SLITRK2: variants seen among roughly 807,000 people sequenced by gnomAD.
The protein encoded by SLITRK2 is SLIT and NTRK like family member 2.
A neutral mutation model predicts 35.4 loss-of-function variants in SLITRK2; 13 were observed. The observed-to-expected ratio is 0.37, with a 90% CI of 0.24 to 0.58. The LOEUF is 0.58. SLITRK2 is among the 20% of genes least tolerant of loss of function. SLITRK2 has a pLI of 0.75. For synonymous variants in SLITRK2, 294 were observed against 264.7 expected, an observed-to-expected ratio of 1.11 and a Z score of -1.07; for missense variants, 471 against 634.3, an observed-to-expected ratio of 0.74 and a Z score of 2.76.
Position 145,828,119 on chromosome X carries a change from C to G in SLITRK2, c.*3156C>G, listed in dbSNP as rs1262435115. ...TGAAACACTCAAAAATACCACTTCT[C>G]AGTATGAACACAATTGCTAAGAGCC... On this transcript the variant is annotated 3_prime_UTR_variant, in exon 5 of 5. Coordinates refer to ENST00000335565, the MANE Select transcript of SLITRK2 (RefSeq NM_032539.5). 5.4e-6 allele frequency: 4 copies of G among 740,893 alleles called. No homozygotes were observed. Among genetic ancestry groups the G allele is most frequent in the Non-Finnish European group, 7.6e-6 (4 of 523,328 alleles). The allele number at this position is 740,893 out of a possible 1,213,427, so 61.1% of individuals were successfully genotyped here.
chrX:145,824,889 C>T lies in SLITRK2; in HGVS notation c.2464C>T (p.Leu822=). ...GCAGTCAAAACCCAACCACCCTTTA[C>T]TGCAAGCTAAGCCGCAATCAGAACC... The part of the protein sequence containing the change: ...VGQSKPNHPL[L]QAKPQSEPDY... The change falls in exon 5 of 5, where the codon CTG becomes TTG. Residue 822 remains leucine, a synonymous_variant. Coordinates refer to ENST00000335565, the MANE Select transcript of SLITRK2 (RefSeq NM_032539.5). 2 of 1,211,539 alleles carry T rather than the reference C, an allele frequency of 1.7e-6. No homozygotes were observed. Among genetic ancestry groups the T allele is most frequent in the Non-Finnish European group, 1.1e-6 (1 of 895,434 alleles).
rs2073052157 is a variant in SLITRK2, at chrX:145,823,021, C to A, written c.596C>A (p.Ala199Asp). 8.3e-7 allele frequency: 1 copy of A among 1,209,771 alleles called. No individual in the cohort carries two copies. Among genetic ancestry groups the A allele is most frequent in the Non-Finnish European group, 1.1e-6 (1 of 895,208 alleles). Residue 199 changes from alanine to aspartate, a missense_variant, in exon 5 of 5, where the codon GCT becomes GAT. Around this residue, in one of 7 missense-constraint regions of SLITRK2, gnomAD observed 15 missense variants for 45.7 expected, o/e 0.33. Transcript: ENST00000335565. ...RGNRLKVMPF[A>D]GVLEHIGGIM... ...AATAGGCTAAAAGTAATGCCTTTTG[C>A]TGGCGTCCTTGAACATATTGGAGGG...
chrX:145,820,958 C>T (rs1240349164), intron 2 of SLITRK2: 2 of 109,227 alleles, frequency 1.8e-5, no homozygotes, highest in African/African-American at 6.7e-5. Context: ...GAGAACTCCT[C>T]ACCCTCCTAC....
Position 145,829,734 on chromosome X carries a change from C to G in SLITRK2, c.*4771C>G, listed in dbSNP as rs1269895877. 2 of 123,492 alleles carry G rather than the reference C, an allele frequency of 1.6e-5. No homozygotes were observed. The highest frequency in any genetic ancestry group is 6.5e-5 in the African/African-American group (2 of 30,827). The allele number at this position is 123,492 out of a possible 1,213,427, so 10.2% of individuals were successfully genotyped here. Reference sequence around the variant, plus strand: ...AGCAGTACTTTAGCTTGAAAGTACTCGTACAAATACTGTTAGATTTAGTTG... The same window carrying G: ...AGCAGTACTTTAGCTTGAAAGTACTGGTACAAATACTGTTAGATTTAGTTG... On this transcript the variant is annotated 3_prime_UTR_variant, in exon 5 of 5. Coordinates refer to ENST00000335565, the MANE Select transcript of SLITRK2 (RefSeq NM_032539.5).
At position 145,828,171 on chromosome X, in the gene SLITRK2, C is replaced by T; in HGVS notation, c.*3208C>T. 4.5e-6 allele frequency: 2 copies of T among 445,619 alleles called. No individual in the cohort carries two copies. Among genetic ancestry groups the T allele is most frequent in the Non-Finnish European group, 7.3e-6 (2 of 272,114 alleles). The allele number at this position is 445,619 out of a possible 1,213,427, so 36.7% of individuals were successfully genotyped here. A position where few individuals can be genotyped will look rare whatever the true frequency, so the allele number is the denominator to read the frequency against. On this transcript the variant is annotated 3_prime_UTR_variant, in exon 5 of 5. Coordinates refer to ENST00000335565, the MANE Select transcript of SLITRK2 (RefSeq NM_032539.5). ...AATTTGGTTCTGGACTATGGTCAAC[C>T]TGTGTGCCTTGTTAGTTCTCTCCAG...
chrX:145,823,876 G>A lies in SLITRK2; in HGVS notation c.1451G>A (p.Arg484Gln), dbSNP rs141011265. Residue 484 changes from arginine to glutamine, a missense_variant, in exon 5 of 5, where the codon CGG becomes CAG. Around this residue, in one of 7 missense-constraint regions of SLITRK2, gnomAD observed 92 missense variants for 184.2 expected, o/e 0.50. Transcript: ENST00000335565. ...QLLFLNNNLLRSLPDNIFGGT... is the reference protein window; with the variant it reads ...QLLFLNNNLLQSLPDNIFGGT... The stretch of plus-strand genomic sequence containing the variant: ...CTGTTTCTGAACAACAACCTTCTTC[G>A]GTCCTTACCTGATAATATATTTGGG... 1.2e-5 allele frequency: 14 copies of A among 1,207,937 alleles called. No individual in the cohort carries two copies. The highest frequency in any genetic ancestry group is 3.5e-5 in the African/African-American group (2 of 56,955).
At chrX:145,822,208 A>C in intron 4 of SLITRK2, 55 bp downstream of exon 4, 1 of 393,909 alleles carries the variant, frequency 2.5e-6, no homozygotes, top group Non-Finnish European at 4.4e-6. Flanking sequence ...GGATGGGGGA[A>C]TAGGGAGCGG....
chrX:145,819,418 T>C (rs1007538848), intron 1 of SLITRK2: 5 of 112,110 alleles, frequency 4.5e-5, no homozygotes, highest in Non-Finnish European at 9.4e-5. Context: ...TTTCTATTTG[T>C]AGTTTCTTGA....
chrX:145,818,529 C>T (rs1466892638), intron 1 of SLITRK2: 1 of 112,972 alleles, frequency 8.9e-6, no homozygotes, highest in African/African-American at 3.2e-5. Context: ...GGGATTCGAC[C>T]CGGCTTGCGG....
At position 145,828,185 on chromosome X, in the gene SLITRK2, A is replaced by T. The variant is rs928890221; in HGVS notation, c.*3222A>T. On this transcript the variant is annotated 3_prime_UTR_variant, in exon 5 of 5. Transcript: ENST00000335565. ...CTATGGTCAACCTGTGTGCCTTGTT[A>T]GTTCTCTCCAGCAGCTGGTGAGTAA... The T allele has an allele frequency of 7.5e-6, 3 of 397,921 alleles. No individual in the cohort carries two copies. Among genetic ancestry groups the T allele is most frequent in the East Asian group, 8.4e-5 (2 of 23,723 alleles). The allele number at this position is 397,921 out of a possible 1,213,427, so 32.8% of individuals were successfully genotyped here.
chrX:145,823,679 C>T lies in SLITRK2; in HGVS notation c.1254C>T (p.Ala418=), dbSNP rs2073066630. 7.4e-6 allele frequency: 9 copies of T among 1,211,234 alleles called. No individual in the cohort carries two copies. Among genetic ancestry groups the T allele is most frequent in the Non-Finnish European group, 1.0e-5 (9 of 895,123 alleles). The change falls in exon 5 of 5, where the codon GCC becomes GCT. Residue 418 remains alanine, a synonymous_variant. Transcript: ENST00000335565. ...GGATTGCAGTCATTCAGGAAGGTGC[C>T]TTTACAAACCTGACCAGTTTACGCA... is the stretch of plus-strand genomic sequence containing the variant. ...NNRIAVIQEG[A]FTNLTSLRRL... is the part of the protein sequence containing the mutation.
Position 145,828,116 on chromosome X carries a change from T to TC in SLITRK2, c.*3154dup. 1.3e-6 allele frequency: 1 copy of TC among 772,051 alleles called. No individual in the cohort carries two copies. The highest frequency in any genetic ancestry group is 1.8e-6 in the Non-Finnish European group (1 of 549,900). 63.6% of individuals were successfully genotyped at this position (772,051 alleles called of 1,213,427 possible). On this transcript the variant is annotated 3_prime_UTR_variant, in exon 5 of 5. Coordinates refer to ENST00000335565, the MANE Select transcript of SLITRK2 (RefSeq NM_032539.5). The stretch of plus-strand genomic sequence containing the variant: ...TATTGAAACACTCAAAAATACCACT[T>TC]CTCAGTATGAACACAATTGCTAAGA...
In SLITRK2 at chrX:145,829,803, C is replaced by G. The variant is rs963612488; in HGVS notation, c.*4840C>G. On this transcript the variant is annotated 3_prime_UTR_variant, in exon 5 of 5. Coordinates refer to ENST00000335565, the MANE Select transcript of SLITRK2 (RefSeq NM_032539.5). ...TTATTGCAATAAATGTCAAATGAAA[C>G]AAGCTCTTGTGTAAATAGACTTCTG... 3.2e-4 allele frequency: 39 copies of G among 123,585 alleles called. No individual in the cohort carries two copies. Among genetic ancestry groups the G allele is most frequent in the African/African-American group, 1.2e-3 (38 of 30,943 alleles). 10.2% of individuals were successfully genotyped at this position (123,585 alleles called of 1,213,427 possible). A position where few individuals can be genotyped will look rare whatever the true frequency, so the allele number is the denominator to read the frequency against.
At position 145,822,992 on chromosome X, in the gene SLITRK2, G is replaced by A. The variant is rs924922232; in HGVS notation, c.567G>A (p.Arg189=). 12 of 1,211,463 alleles carry A rather than the reference G, an allele frequency of 9.9e-6. No individual in the cohort carries two copies. Among genetic ancestry groups the A allele is most frequent in the Non-Finnish European group, 1.3e-5 (12 of 895,288 alleles). The change falls in exon 5 of 5, where the codon AGG becomes AGA. Residue 189 remains arginine, a synonymous_variant. Transcript: ENST00000335565. ...TCCTGCTGACCCACTTAGACCTCAG[G>A]GGGAATAGGCTAAAAGTAATGCCTT... ...RFVLLTHLDL[R]GNRLKVMPFA...
chrX:145,818,954 A>T (rs1292709955), intron 1 of SLITRK2: 1 of 111,736 alleles, frequency 8.9e-6, no homozygotes, highest in African/African-American at 3.3e-5. Flanking sequence ...TTTCAGGCTG[A>T]TTTGTTCCTA....
In SLITRK2 at chrX:145,823,853, G is replaced by A. The variant is rs2073069199; in HGVS notation, c.1428G>A (p.Leu476=). Residue 476 remains leucine (L), a synonymous_variant, in exon 5 of 5, where the codon CTG becomes CTA. Coordinates refer to ENST00000335565, the MANE Select transcript of SLITRK2 (RefSeq NM_032539.5). ...TFDALINLQL[L]FLNNNLLRSL... is the part of the protein sequence containing the mutation. ...ATGCTTTGATTAACCTACAGCTACT[G>A]TTTCTGAACAACAACCTTCTTCGGT... is the stretch of plus-strand genomic sequence containing the variant. The A allele has an allele frequency of 8.3e-7, 1 of 1,208,833 alleles. No individual in the cohort carries two copies. Among genetic ancestry groups the A allele is most frequent in the African/African-American group, 1.8e-5 (1 of 57,097 alleles).
At position 145,824,061 on chromosome X, in the gene SLITRK2, C is replaced by T. The variant is rs1183134532; in HGVS notation, c.1636C>T (p.His546Tyr). 36 of 1,208,188 alleles carry T rather than the reference C, an allele frequency of 3.0e-5. No homozygotes were observed. The highest frequency in any genetic ancestry group is 4.0e-5 in the Non-Finnish European group (36 of 894,379). ...CATGGGGCTGAAAGACTGGACAGAACATGCCAATTCCCCTGTCATCATTAA... is the reference window on the plus strand; with the variant it reads ...CATGGGGCTGAAAGACTGGACAGAATATGCCAATTCCCCTGTCATCATTAA... ...DIMGLKDWTE[H>Y]ANSPVIINEV... Residue 546 changes from histidine (H) to tyrosine (Y), a missense_variant, in exon 5 of 5, where the codon CAT (histidine) becomes TAT (tyrosine). His to Tyr is a moderately conservative substitution (Grantham distance 83). This residue lies in a region of SLITRK2 where 92 missense variants were observed against 184.2 expected (regional missense o/e 0.50). Coordinates refer to ENST00000335565, the MANE Select transcript of SLITRK2 (RefSeq NM_032539.5).
chrX:145,823,502 C>A lies in SLITRK2; in HGVS notation c.1077C>A (p.Cys359Ter), dbSNP rs1556944379. ...QSSDNGLNVNCQERKFTNISD... is the reference protein window; with the variant it reads ...QSSDNGLNVN The stretch of plus-strand genomic sequence containing the variant: ...CAGACAATGGTCTGAATGTAAACTG[C>A]CAAGAAAGGAAGTTCACTAATATCT... Residue 359 changes from cysteine to a stop codon, truncating the protein, a stop_gained, in exon 5 of 5, where the codon TGC (cysteine) becomes TGA (stop). Coordinates refer to ENST00000335565, the MANE Select transcript of SLITRK2 (RefSeq NM_032539.5). LOFTEE classifies it high-confidence loss of function. The A allele has an allele frequency of 8.3e-7, 1 of 1,211,679 alleles. No homozygotes were observed. Among genetic ancestry groups the A allele is most frequent in the Non-Finnish European group, 1.1e-6 (1 of 895,491 alleles).
rs782020464 is a variant in SLITRK2 at position 145,827,524 on chromosome X, T to C, written c.*2561T>C. On this transcript the variant is annotated 3_prime_UTR_variant, in exon 5 of 5. Transcript: ENST00000335565. ...TTAAGTTTAAAGACAGATGATACCT[T>C]AATATTAACTTACTTACACGATTTT... 1 of 460,205 alleles carries C rather than the reference T, an allele frequency of 2.2e-6. No individual in the cohort carries two copies. Among genetic ancestry groups the C allele is most frequent in the African/African-American group, 2.5e-5 (1 of 40,290 alleles). The allele number at this position is 460,205 out of a possible 1,213,427, so 37.9% of individuals were successfully genotyped here. A position where few individuals can be genotyped will look rare whatever the true frequency, so the allele number is the denominator to read the frequency against.
Sources: gnomAD v4.1 joint callset for allele counts on GRCh38, gnomAD v4.1.1 for gene constraint, gnomAD v4.1.1 regional missense constraint, MANE v1.5 for transcripts, NCBI Gene and HGNC (gene_info 2026-07-23, HGNC 2026-07-21) for gene names.